Variants in SLFN5 observed in about 807,000 individuals in gnomAD.
The protein encoded by SLFN5 is schlafen family member 5.
Under a neutral mutation model 48.5 loss-of-function variants are expected in SLFN5, and 34 were observed. The observed-to-expected ratio is 0.70, with a 90% confidence interval of 0.53 to 0.93. SLFN5 has a LOEUF of 0.93. Among genes scored for constraint, SLFN5 ranks in the 40% least tolerant of loss-of-function variants. The pLI, the probability that SLFN5 is intolerant of heterozygous loss-of-function variation, is 0.00. For missense variants in SLFN5, 1,006 were observed against 1,071.3 expected (o/e 0.94, Z 0.85); for synonymous variants, 387 against 396.2 (o/e 0.98, Z 0.28).
In SLFN5 at chr17:35,264,608, A is replaced by AC. The variant is rs774689376; in HGVS notation, c.1570dup (p.Gln524ProfsTer23). 1 of 1,613,950 alleles carries AC rather than the reference A, an allele frequency of 6.2e-7. No individual in the cohort carries two copies. The highest frequency in any genetic ancestry group is 8.5e-7 in the Non-Finnish European group (1 of 1,179,986). On this transcript the variant is annotated frameshift_variant, in exon 4 of 5. Transcript: ENST00000299977. LOFTEE classifies it high-confidence loss of function. ...TTACCCTGAATCCTATAACTTCATG[A>AC]CCCCCCAGCACATGGAAGCCCTGTT...
rs1477834337 is a variant in SLFN5 at position 35,265,284 on chromosome 17, T to C, written c.2072T>C (p.Leu691Ser). The C allele has an allele frequency of 1.9e-6, 3 of 1,614,096 alleles. No individual in the cohort carries two copies. The South Asian group carries it at 3.3e-5, about 18-fold the overall frequency. Residue 691 changes from leucine to serine, a missense_variant, in exon 5 of 5, where the codon TTG becomes TCG. Leu to Ser is a moderately radical substitution (Grantham distance 145). Coordinates refer to ENST00000299977, the MANE Select transcript of SLFN5 (RefSeq NM_144975.4). The part of the protein sequence containing the change: ...IFLDYFQTYH[L>S]SCSGLPPPSD... ...CTGGACTACTTTCAGACCTATCACT[T>C]GAGTTGCAGTGGCCTCCCCCCTCCC...
intron 1 of SLFN5, among the ~76,000 whole-genome samples, chr17:35,256,433 C>G (rs1904345164): frequency 6.6e-6 from 1 of 152,208 alleles, no homozygotes; most frequent in African/African-American, 2.4e-5. Context: ...GACTTTATTA[C>G]TGTGTATTTC....
In SLFN5 at chr17:35,268,218, T is replaced by A. The variant is rs1310078707; in HGVS notation, c.*2330T>A. On this transcript the variant is annotated 3_prime_UTR_variant, in exon 5 of 5. Transcript: ENST00000299977. ...GAAGAAGCCAAACTAGTCTACTTCA[T>A]CTAAGAAAGTTGTCAAAGAGAGCCC... 1 of 152,212 alleles carries A rather than the reference T, an allele frequency of 6.6e-6. No individual in the cohort carries two copies. The highest frequency in any genetic ancestry group is 6.5e-5 in the Admixed American group (1 of 15,284). 9.4% of individuals were successfully genotyped at this position (152,212 alleles called of 1,614,324 possible).
Position 35,258,661 on chromosome 17 carries a change from C to A in SLFN5, c.-30C>A. Reference sequence around the variant, plus strand: ...CTTTCTGTTTTTCAGGAGAACATTTCAGGATAGGAATAGGCCAAGTGCTGA... The same window carrying A: ...CTTTCTGTTTTTCAGGAGAACATTTAAGGATAGGAATAGGCCAAGTGCTGA... On this transcript the variant is annotated 5_prime_UTR_variant, in exon 2 of 5. Transcript: ENST00000299977. The A allele has an allele frequency of 6.3e-7, 1 of 1,586,270 alleles. No homozygotes were observed. The highest frequency in any genetic ancestry group is 8.6e-7 in the Non-Finnish European group (1 of 1,164,846).
At position 35,272,171 on chromosome 17, in the gene SLFN5, A is replaced by T. The variant is rs1170051736; in HGVS notation, c.*6283A>T. On this transcript the variant is annotated 3_prime_UTR_variant, in exon 5 of 5. Coordinates refer to ENST00000299977, the MANE Select transcript of SLFN5 (RefSeq NM_144975.4). ...CAATAATTAAAACAATGTGGTGCTG[A>T]TATGTGGAGGGTCAATGGAACAAGA... 1 of 152,208 alleles carries T rather than the reference A, an allele frequency of 6.6e-6. No homozygotes were observed. Among genetic ancestry groups the T allele is most frequent in the Non-Finnish European group, 1.5e-5 (1 of 68,028 alleles). The allele number at this position is 152,208 out of a possible 1,614,324, so 9.4% of individuals were successfully genotyped here. A position where few individuals can be genotyped will look rare whatever the true frequency, so the allele number is the denominator to read the frequency against.
At chr17:35,248,319 A>T (rs2092435352) in intron 1 of SLFN5, among the ~76,000 whole-genome samples, 1 of 152,000 alleles carries the variant, frequency 6.6e-6, no homozygotes, top group East Asian at 1.9e-4. Context: ...GTTGGTAGGC[A>T]GAGGCCTCCA....
In SLFN5 at chr17:35,264,391, C is replaced by A; in HGVS notation, c.1347C>A (p.Thr449=). ...CDALLISQNN[T]PILYTIFSKW... ...CTCTTCTAATTTCCCAGAACAACAC[C>A]CCTATTCTCTACACCATCTTCAGCA... Residue 449 remains threonine (T), a synonymous_variant, in exon 4 of 5, where the codon ACC becomes ACA. Transcript: ENST00000299977. 1 of 1,614,084 alleles carries A rather than the reference C, an allele frequency of 6.2e-7. No homozygotes were observed.
At position 35,267,825 on chromosome 17, in the gene SLFN5, A is replaced by G. The variant is rs1273913700; in HGVS notation, c.*1937A>G. On this transcript the variant is annotated 3_prime_UTR_variant, in exon 5 of 5. Transcript: ENST00000299977. ...GTAGTCATGAATAGATGTCACATAA[A>G]GAAAAGAAAACCAGAATTCTTGTTA... 6.6e-6 allele frequency: 1 copy of G among 152,288 alleles called. No individual in the cohort carries two copies. Among genetic ancestry groups the G allele is most frequent in the Non-Finnish European group, 1.5e-5 (1 of 68,068 alleles). The allele number at this position is 152,288 out of a possible 1,614,324, so 9.4% of individuals were successfully genotyped here. A position where few individuals can be genotyped will look rare whatever the true frequency, so the allele number is the denominator to read the frequency against.
intron 1 of SLFN5, among the ~76,000 whole-genome samples, chr17:35,258,313 G>T (rs1409863960): frequency 6.6e-6 from 1 of 152,100 alleles, no homozygotes; most frequent in African/African-American, 2.4e-5. Flanking sequence ...ACGGTGAAAG[G>T]CACGTCTTAC....
At chr17:35,255,738 T>TA (rs914486686) in intron 1 of SLFN5, among the ~76,000 whole-genome samples, 12 of 152,156 alleles carry the variant, frequency 7.9e-5, no homozygotes, top group African/African-American at 2.7e-4. Flanking sequence ...ATTACATAGT[T>TA]AAAAAAATAT....
At chr17:35,250,259 CA>C (rs1415512102) in intron 1 of SLFN5, among the ~76,000 whole-genome samples, 5 of 152,166 alleles carry the variant, frequency 3.3e-5, no homozygotes, top group Non-Finnish European at 5.9e-5. Flanking sequence ...TAGACAAAGA[CA>C]GTCAATACTT....
rs376484895 is a variant in SLFN5 at position 35,259,251 on chromosome 17, C to T, written c.561C>T (p.Leu187=). The T allele has an allele frequency of 1.1e-5, 18 of 1,614,124 alleles. No homozygotes were observed. The highest frequency in any genetic ancestry group is 1.5e-5 in the Non-Finnish European group (18 of 1,180,036). The change falls in exon 2 of 5, where the codon CTC becomes CTT. Residue 187 remains leucine (L), a synonymous_variant. Transcript: ENST00000299977. ...AGCGGCTTCAGTATCTGGAAAAACTCAACCTTCCTGAGTCCACACATGTTG... is the reference window on the plus strand; with the variant it reads ...AGCGGCTTCAGTATCTGGAAAAACTTAACCTTCCTGAGTCCACACATGTTG... ...DRKRLQYLEK[L]NLPESTHVEF...
intron 1 of SLFN5, among the ~76,000 whole-genome samples, chr17:35,252,341 G>A (rs1269627889): frequency 2.0e-5 from 3 of 152,114 alleles, no homozygotes; most frequent in African/African-American, 7.2e-5. Context: ...TAAGGCAGGA[G>A]GATAGCTTGA....
chr17:35,252,144 G>A (rs1348344738), intron 1 of SLFN5, among the ~76,000 whole-genome samples: 1 of 152,144 alleles, frequency 6.6e-6, no homozygotes, highest in Non-Finnish European at 1.5e-5. Context: ...AAAGACAGCT[G>A]AGCGGTGGGG....
rs1555591206 is a variant in SLFN5, at chr17:35,258,697, C to CTTA, written c.8_10dup (p.Leu3_Arg4insIle). The CTTA allele has an allele frequency of 1.2e-6, 2 of 1,612,806 alleles. No homozygotes were observed. Among genetic ancestry groups the CTTA allele is most frequent in the Non-Finnish European group, 1.7e-6 (2 of 1,179,236 alleles). ...TAGGCCAAGTGCTGAGAAGATGAGT[C>CTTA]TTAGGATTGATGTGGATACAAACTT... On this transcript the variant is annotated inframe_insertion, in exon 2 of 5. Transcript: ENST00000299977.
At chr17:35,257,311 C>A (rs554874892) in intron 1 of SLFN5, among the ~76,000 whole-genome samples, 1 of 152,164 alleles carries the variant, frequency 6.6e-6, no homozygotes, top group Non-Finnish European at 1.5e-5. Flanking sequence ...CAGAAGGGAA[C>A]TTTGGGGTCC....
rs1878391859 is a variant in SLFN5, at chr17:35,273,274, T to C, written c.*7386T>C. 1 of 152,198 alleles carries C rather than the reference T, an allele frequency of 6.6e-6. No individual in the cohort carries two copies. Among genetic ancestry groups the C allele is most frequent in the Admixed American group, 6.5e-5 (1 of 15,282 alleles). The allele number at this position is 152,198 out of a possible 1,614,324, so 9.4% of individuals were successfully genotyped here. A position where few individuals can be genotyped will look rare whatever the true frequency, so the allele number is the denominator to read the frequency against. On this transcript the variant is annotated 3_prime_UTR_variant, in exon 5 of 5. Coordinates refer to ENST00000299977, the MANE Select transcript of SLFN5 (RefSeq NM_144975.4). ...TAAATGCAGTAAGTATCTTTGGAAG[T>C]ATACCTAAAAATTGGTAATAGTGTT... is the stretch of plus-strand genomic sequence containing the variant.
At chr17:35,252,299 C>G (rs1415195514) in intron 1 of SLFN5, among the ~76,000 whole-genome samples, 1 of 151,990 alleles carries the variant, frequency 6.6e-6, no homozygotes. Context: ...TGCATTGTGG[C>G]GCGTTCTTGT....
chr17:35,265,511 G>C lies in SLFN5; in HGVS notation c.2299G>C (p.Glu767Gln). The change falls in exon 5 of 5, where the codon GAG becomes CAG. Residue 767 changes from glutamate (E) to glutamine (Q), a missense_variant. Glu to Gln is a conservative substitution (Grantham distance 29). Transcript: ENST00000299977. ...AGAGATTATTGAAGACTTGAACTTG[G>C]AGGAGATACTGATCTATGTAGCGAA... ...NLEIIEDLNL[E>Q]EILIYVANKC... The C allele has an allele frequency of 6.2e-7, 1 of 1,614,258 alleles. No individual in the cohort carries two copies. The highest frequency in any genetic ancestry group is 1.7e-5 in the Admixed American group (1 of 60,030).
Sources: gnomAD v4.1 joint callset for allele counts (sites outside exome capture counted in the v4.1 genomes callset) on GRCh38, gnomAD v4.1.1 for gene constraint, MANE v1.5 for transcripts, NCBI Gene and HGNC (gene_info 2026-07-23, HGNC 2026-07-21) for gene names.